The following ATP6V1C1 variants were observed in gnomAD, a reference collection of about 807,000 sequenced individuals.
ATP6V1C1 encodes the protein ATPase H+ transporting V1 subunit C1, also known as V-type proton ATPase subunit C 1.
A neutral mutation model predicts 53.9 loss-of-function variants in ATP6V1C1; 45 were observed. The observed-to-expected ratio is 0.83, with a 90% CI of 0.66 to 1.07. The LOEUF is 1.07. Ranked by LOEUF, ATP6V1C1 falls within the 50% of genes least tolerant of loss-of-function variation. ATP6V1C1 has a pLI of 0.00. For synonymous variants in ATP6V1C1, 153 were observed against 155.2 expected (o/e 0.99, Z 0.11); for missense variants, 315 against 440.3 (o/e 0.72, Z 2.55).
intron 4 of ATP6V1C1, among the ~76,000 whole-genome samples, chr8:103,049,233 T>G (rs1278948294): frequency 2.6e-5 from 4 of 152,236 alleles, no homozygotes; most frequent in African/African-American, 9.6e-5. Flanking sequence ...AGGTTTGTCT[T>G]AGTTCTTTCC....
intron 1 of ATP6V1C1, among the ~76,000 whole-genome samples, chr8:103,030,466 T>C (rs1816778319): frequency 6.6e-6 from 1 of 152,194 alleles, no homozygotes; most frequent in Non-Finnish European, 1.5e-5. Context: ...ACTGGTACCA[T>C]ATTTGCTTTC....
At chr8:103,031,068 TAAAAG>T (rs1416904768) in intron 1 of ATP6V1C1, among the ~76,000 whole-genome samples, 1 of 152,150 alleles carries the variant, frequency 6.6e-6, no homozygotes, top group African/African-American at 2.4e-5. Context: ...ACAACACTCT[TAAAAG>T]GAAGACAGCA....
At chr8:103,054,670 TAAATG>T (rs1817257976) in intron 7 of ATP6V1C1, among the ~76,000 whole-genome samples, 1 of 152,134 alleles carries the variant, frequency 6.6e-6, no homozygotes, top group Non-Finnish European at 1.5e-5. Context: ...TAGTTAATCT[TAAATG>T]AAATGAAACC....
chr8:103,042,269 C>G, intron 2 of ATP6V1C1, 71 bp from the exon 3 acceptor site: 1 of 1,445,710 alleles, frequency 6.9e-7, no homozygotes, highest in South Asian at 1.2e-5. Flanking sequence ...AACTTTAGGT[C>G]AAGATGAATC....
Position 103,070,385 on chromosome 8 carries a change from C to T in ATP6V1C1, c.*1638C>T, listed in dbSNP as rs1817565103. On this transcript the variant is annotated 3_prime_UTR_variant, in exon 13 of 13. Transcript: ENST00000518738. ...TGTACACTTAAGTTTTTGACACTCA[C>T]TGCCAAGTCATCTGTCAGAATTCTA... 2 of 152,312 alleles carry T rather than the reference C, an allele frequency of 1.3e-5. No individual in the cohort carries two copies. Among genetic ancestry groups the T allele is most frequent in the South Asian group, 2.1e-4 (1 of 4,824 alleles). The allele number at this position is 152,312 out of a possible 1,614,324, so 9.4% of individuals were successfully genotyped here.
At chr8:103,042,956 C>T (rs779672630) in intron 3 of ATP6V1C1, among the ~76,000 whole-genome samples, 1 of 152,200 alleles carries the variant, frequency 6.6e-6, no homozygotes, top group Non-Finnish European at 1.5e-5. Context: ...TAATATTCCA[C>T]TATATATGTA....
At chr8:103,027,798 A>AGT (rs936031366) in intron 1 of ATP6V1C1, among the ~76,000 whole-genome samples, 14 of 151,720 alleles carry the variant, frequency 9.2e-5, no homozygotes, top group African/African-American at 3.4e-4. Context: ...TATGTTCTTC[A>AGT]GTGTTTTTTT....
intron 1 of ATP6V1C1, among the ~76,000 whole-genome samples, chr8:103,027,784 T>C (rs972178750): frequency 1.9e-4 from 29 of 152,024 alleles, no homozygotes; most frequent in African/African-American, 7.0e-4. Flanking sequence ...CCCTTGTGCC[T>C]CCCTATGTTC....
chr8:103,072,651 T>G lies in ATP6V1C1; in HGVS notation c.*3904T>G, dbSNP rs564833491. On this transcript the variant is annotated 3_prime_UTR_variant, in exon 13 of 13. Coordinates refer to ENST00000518738, the MANE Select transcript of ATP6V1C1 (RefSeq NM_001695.5). The stretch of plus-strand genomic sequence containing the variant: ...ACAATTGATTCTTTAGATTCATATA[T>G]GGAGGTAATTCTTGCTTTCTAAAGA... 21 of 152,368 alleles carry G rather than the reference T, an allele frequency of 1.4e-4. No individual in the cohort carries two copies. The South Asian group carries it at 3.1e-3, about 23-fold the overall frequency. The allele number at this position is 152,368 out of a possible 1,614,324, so 9.4% of individuals were successfully genotyped here. A position where few individuals can be genotyped will look rare whatever the true frequency, so the allele number is the denominator to read the frequency against.
At chr8:103,054,752 T>C (rs1035863153) in intron 7 of ATP6V1C1, among the ~76,000 whole-genome samples, 2 of 152,138 alleles carry the variant, frequency 1.3e-5, no homozygotes, top group African/African-American at 4.8e-5. Flanking sequence ...GGTTTCACTT[T>C]TGACTTACAC....
chr8:103,063,348 T>A, intron 10 of ATP6V1C1, 120 bp downstream of exon 10: 1 of 648,786 alleles, frequency 1.5e-6, no homozygotes, highest in South Asian at 2.3e-5. Context: ...GATTTTAGTT[T>A]TTTTTTTTAA....
chr8:103,043,258 GTTA>G (rs913162708), intron 3 of ATP6V1C1, among the ~76,000 whole-genome samples: 3 of 152,060 alleles, frequency 2.0e-5, no homozygotes, highest in African/African-American at 7.2e-5. Context: ...GCCAGCACTT[GTTA>G]TTATTTTTAT....
chr8:103,044,923 T>A (rs4734068), intron 3 of ATP6V1C1, among the ~76,000 whole-genome samples: 1 of 152,026 alleles, frequency 6.6e-6, no homozygotes, highest in African/African-American at 2.4e-5. Context: ...TGGAAGAGTT[T>A]TTCTAAATTG....
Position 103,063,531 on chromosome 8 carries a change from C to T in ATP6V1C1, c.828+303C>T, listed in dbSNP as rs58298266. Among the ~76,000 whole-genome samples the T allele has an allele frequency of 6.5e-3, 984 of 152,254 alleles. 12 individuals are homozygous for T. Among genetic ancestry groups the T allele is most frequent in the Middle Eastern group, 0.027 (8 of 294 alleles). On this transcript the variant is annotated intron_variant, in intron 10 of 12. Transcript: ENST00000518738. The stretch of plus-strand genomic sequence containing the variant: ...GAAATTACTCCACCTAAATCCATAT[C>T]AGACATTAATTTTAAATGCAGTATT...
intron 3 of ATP6V1C1, among the ~76,000 whole-genome samples, chr8:103,045,775 A>G (rs1487356810): frequency 6.6e-6 from 1 of 152,136 alleles, no homozygotes; most frequent in South Asian, 2.1e-4. Context: ...CCCCGTCTCT[A>G]CTAAAAATAC....
At position 103,070,025 on chromosome 8, in the gene ATP6V1C1, CACACACACACGTAT is replaced by C. The variant is rs1817558414; in HGVS notation, c.*1289_*1302del. On this transcript the variant is annotated 3_prime_UTR_variant, in exon 13 of 13. Transcript: ENST00000518738. ...TCTATGTCTTTACATCTCTGTCTCA[CACACACACACGTAT>C]ACACACACACAGTTTATTTTTAATA... The C allele has an allele frequency of 6.6e-6, 1 of 151,998 alleles. No homozygotes were observed. The highest frequency in any genetic ancestry group is 1.5e-5 in the Non-Finnish European group (1 of 67,992). The allele number at this position is 151,998 out of a possible 1,614,324, so 9.4% of individuals were successfully genotyped here. A position where few individuals can be genotyped will look rare whatever the true frequency, so the allele number is the denominator to read the frequency against.
At chr8:103,047,769 G>A (rs1455939238) in intron 3 of ATP6V1C1, among the ~76,000 whole-genome samples, 4 of 152,126 alleles carry the variant, frequency 2.6e-5, no homozygotes, top group African/African-American at 4.8e-5. Flanking sequence ...CCATGGCAAC[G>A]ATATGCTTTC....
At chr8:103,047,823 G>A (rs1003639745) in intron 3 of ATP6V1C1, among the ~76,000 whole-genome samples, 8 of 152,070 alleles carry the variant, frequency 5.3e-5, no homozygotes, top group African/African-American at 9.7e-5. Context: ...GTCCTTCATC[G>A]CCCTACTCAT....
At chr8:103,055,393 A>G (rs1283128290) in intron 7 of ATP6V1C1, among the ~76,000 whole-genome samples, 1 of 152,138 alleles carries the variant, frequency 6.6e-6, no homozygotes, top group Non-Finnish European at 1.5e-5. Context: ...GTTGTTGCAC[A>G]ATGTTTTGTG....
Sources: gnomAD v4.1 joint callset for allele counts (sites outside exome capture counted in the v4.1 genomes callset) on GRCh38, gnomAD v4.1.1 for gene constraint, MANE v1.5 for transcripts, NCBI Gene and HGNC (gene_info 2026-07-23, HGNC 2026-07-21) for gene names.